LINGO2: variants seen among roughly 807,000 people sequenced by gnomAD.
LINGO2 encodes the protein leucine-rich repeat and immunoglobulin-like domain-containing nogo receptor-interacting protein 2.
LINGO2 carries 14 observed loss-of-function variants against 30.6 expected under a neutral mutation model. The ratio of observed to expected loss-of-function variants is 0.46; its 90% CI spans 0.30 to 0.72. The LOEUF (loss-of-function observed/expected upper bound fraction) is 0.72. Ranked by LOEUF, LINGO2 falls within the 30% of genes least tolerant of loss-of-function variation. The pLI is 0.07. For synonymous variants in LINGO2, 317 were observed against 288.5 expected, an observed-to-expected ratio of 1.10 and a Z score of -1.00; for missense variants, 729 against 751.7, an observed-to-expected ratio of 0.97 and a Z score of 0.35.
chr9:28,895,136 T>C, the LINGO2 span, among the ~76,000 whole-genome samples: 1 of 152,102 alleles, frequency 6.6e-6, no homozygotes, highest in African/African-American at 2.4e-5. Flanking sequence ...ATAGGTCAAA[T>C]ACTAGTTGGG....
At chr9:28,555,808 T>C (rs1406153875) in intron 1 of LINGO2, among the ~76,000 whole-genome samples, 4 of 152,124 alleles carry the variant, frequency 2.6e-5, no homozygotes, top group Non-Finnish European at 5.9e-5. Flanking sequence ...CATGATCAAG[T>C]GGGCTTCATC....
intron 2 of LINGO2, among the ~76,000 whole-genome samples, chr9:28,435,485 A>G (rs1412574753): frequency 6.6e-6 from 1 of 152,192 alleles, no homozygotes; most frequent in African/African-American, 2.4e-5. Context: ...GTTGCTCACA[A>G]ACGTTCTAAT....
chr9:27,957,870 C>T (rs1205917321), intron 5 of LINGO2, among the ~76,000 whole-genome samples: 1 of 152,170 alleles, frequency 6.6e-6, no homozygotes, highest in Non-Finnish European at 1.5e-5. Context: ...TTTAGGTATT[C>T]TTTAATTTCC....
At chr9:28,735,585 C>A in the LINGO2 span, among the ~76,000 whole-genome samples, 2 of 151,930 alleles carry the variant, frequency 1.3e-5, no homozygotes, top group South Asian at 2.1e-4. Context: ...GTTAGGTAAT[C>A]CCATATTCCC....
chr9:28,979,331 C>T, the LINGO2 span, among the ~76,000 whole-genome samples: 1 of 152,044 alleles, frequency 6.6e-6, no homozygotes, highest in East Asian at 1.9e-4. Flanking sequence ...CTCTAGTGTA[C>T]CATATGGTGG....
chr9:28,263,472 T>C (rs1355247250), intron 4 of LINGO2, among the ~76,000 whole-genome samples: 3 of 151,966 alleles, frequency 2.0e-5, no homozygotes, highest in Non-Finnish European at 4.4e-5. Flanking sequence ...AGCAGGACTT[T>C]TGGAGACCAT....
the LINGO2 span, among the ~76,000 whole-genome samples, chr9:29,149,837 C>T: frequency 6.6e-6 from 1 of 152,224 alleles, no homozygotes; most frequent in Non-Finnish European, 1.5e-5. Context: ...TAGCTCTAAC[C>T]TGAGCTGGCC....
intron 1 of LINGO2, among the ~76,000 whole-genome samples, chr9:28,516,815 A>G (rs778356693): frequency 6.6e-6 from 1 of 152,192 alleles, no homozygotes; most frequent in South Asian, 2.1e-4. Flanking sequence ...TTGGGATCAG[A>G]TGATTCATAG....
chr9:29,081,413 G>T, the LINGO2 span, among the ~76,000 whole-genome samples: 2 of 151,996 alleles, frequency 1.3e-5, no homozygotes, highest in Admixed American at 6.6e-5. Context: ...AATAAATTAG[G>T]TATTGATGGG....
At chr9:28,566,565 G>A (rs1823394276) in intron 1 of LINGO2, among the ~76,000 whole-genome samples, 2 of 152,102 alleles carry the variant, frequency 1.3e-5, no homozygotes. Flanking sequence ...TCCCTCAGAT[G>A]TTGTGTATGG....
chr9:28,622,696 C>A (rs1826459952), intron 1 of LINGO2, among the ~76,000 whole-genome samples: 2 of 150,430 alleles, frequency 1.3e-5, no homozygotes, highest in African/African-American at 4.9e-5. Flanking sequence ...GATTTCCTTT[C>A]TTTTGGGATT....
the LINGO2 span, among the ~76,000 whole-genome samples, chr9:29,072,611 T>TTATATATATATATATATATATA: frequency 1.2e-3 from 175 of 140,306 alleles, 8 homozygotes; most frequent in Middle Eastern, 3.8e-3. Context: ...TGTCTCTCTT[T>TTATATATATATATATATATATA]GATATATATA....
chr9:28,042,132 A>G (rs140307714), intron 4 of LINGO2, among the ~76,000 whole-genome samples: 1 of 152,336 alleles, frequency 6.6e-6, no homozygotes, highest in East Asian at 1.9e-4. Context: ...GCTTAGTACA[A>G]TTACAAATGT....
At chr9:28,350,553 A>G (rs1819825605) in intron 3 of LINGO2, among the ~76,000 whole-genome samples, 1 of 145,216 alleles carries the variant, frequency 6.9e-6, no homozygotes, top group African/African-American at 2.5e-5. Context: ...TAATAATGGG[A>G]GACTTTAACA....
intron 5 of LINGO2, among the ~76,000 whole-genome samples, chr9:27,999,609 C>T (rs911930027): frequency 2.0e-5 from 3 of 152,116 alleles, no homozygotes; most frequent in African/African-American, 4.8e-5. Flanking sequence ...TCTGCTGCCT[C>T]CCTGGAAGAG....
the LINGO2 span, among the ~76,000 whole-genome samples, chr9:28,686,553 C>A: frequency 2.0e-5 from 3 of 151,988 alleles, no homozygotes; most frequent in African/African-American, 4.8e-5. Flanking sequence ...AATCTTGGAA[C>A]TGTTTTCAAA....
At chr9:29,167,629 C>T in the LINGO2 span, among the ~76,000 whole-genome samples, 1 of 152,084 alleles carries the variant, frequency 6.6e-6, no homozygotes, top group Admixed American at 6.5e-5. Flanking sequence ...AAAAACAAAA[C>T]AAAAACCTGT....
At chr9:28,589,481 A>T (rs931242251) in intron 1 of LINGO2, among the ~76,000 whole-genome samples, 4 of 152,146 alleles carry the variant, frequency 2.6e-5, no homozygotes, top group Non-Finnish European at 4.4e-5. Context: ...ATGTACAAAA[A>T]TCACAAGCAT....
intron 5 of LINGO2, among the ~76,000 whole-genome samples, chr9:28,000,401 A>G (rs1000848106): frequency 1.3e-5 from 2 of 152,190 alleles, no homozygotes; most frequent in Admixed American, 6.6e-5. Flanking sequence ...AGGGAGAAAA[A>G]GAAAAGGAAG....
Sources: gnomAD v4.1 joint callset for allele counts (sites outside exome capture counted in the v4.1 genomes callset) on GRCh38, gnomAD v4.1.1 for gene constraint, MANE v1.5 for transcripts, NCBI Gene and HGNC (gene_info 2026-07-23, HGNC 2026-07-21) for gene names.